OSBPL2: variants seen among roughly 807,000 people sequenced by gnomAD.
OSBPL2 encodes oxysterol-binding protein-related protein 2.
In OSBPL2, 18 loss-of-function variants were observed where a neutral mutation model predicts 58.4. That is an observed-to-expected ratio of 0.31 (90% CI 0.21 to 0.46). The LOEUF is 0.46. Among genes scored for constraint, OSBPL2 ranks in the 20% least tolerant of loss-of-function variants. The pLI is 1.00. For missense variants in OSBPL2, 461 were observed against 616.5 expected, an observed-to-expected ratio of 0.75 and a Z score of 2.67; for synonymous variants, 221 against 234.1, an observed-to-expected ratio of 0.94 and a Z score of 0.51.
At position 62,249,225 on chromosome 20, in the gene OSBPL2, A is replaced by C. The variant is rs76845565; in HGVS notation, c.-128-6832A>C. 4.2e-3 allele frequency among the ~76,000 whole-genome samples: 618 copies of C among 148,270 alleles called. 4 individuals carry two copies. The highest frequency in any genetic ancestry group is 0.01 in the Middle Eastern group (3 of 294). On this transcript the variant is annotated intron_variant, in intron 1 of 13. Coordinates refer to ENST00000313733, the MANE Select transcript of OSBPL2 (RefSeq NM_144498.4). ...CCAAGGAAGTGCCCCCCAACCCCCC[A>C]AAAAAAAAATCTCACTGGAGAAGGA...
chr20:62,245,363 G>T (rs1601145300), intron 1 of OSBPL2, among the ~76,000 whole-genome samples: 1 of 152,214 alleles, frequency 6.6e-6, no homozygotes, highest in African/African-American at 2.4e-5. Flanking sequence ...AAAGTGCTGG[G>T]ATGACAGGCG....
chr20:62,254,214 C>T (rs777206619), intron 1 of OSBPL2, among the ~76,000 whole-genome samples: 1 of 152,222 alleles, frequency 6.6e-6, no homozygotes, highest in Non-Finnish European at 1.5e-5. Context: ...TGTCACATGG[C>T]AGTCAGATCT....
Position 62,281,064 on chromosome 20 carries a change from T to C in OSBPL2, c.681T>C (p.Asn227=). ...GTITLELLKH[N]EAYTWTNPTC... ...TTTTCTGGTGTCTTCACAGACATAA[T>C]GAAGCCTACACCTGGACCAACCCCA... The change falls in exon 8 of 14, where the codon AAT becomes AAC. Residue 227 remains asparagine (N), a synonymous_variant. Transcript: ENST00000313733. 6.2e-7 allele frequency: 1 copy of C among 1,613,168 alleles called. No homozygotes were observed. The highest frequency in any genetic ancestry group is 2.2e-5 in the East Asian group (1 of 44,862).
At chr20:62,281,722 G>A in intron 8 of OSBPL2, 68 bp from the exon 9 acceptor site, 1 of 1,244,340 alleles carries the variant, frequency 8.0e-7, no homozygotes, top group Non-Finnish European at 1.2e-6. Flanking sequence ...CGCTTCTCCT[G>A]TTACAGAGTT....
chr20:62,259,194 C>G (rs1173871254), intron 2 of OSBPL2: 18 of 152,324 alleles, frequency 1.2e-4, no homozygotes, highest in Non-Finnish European at 2.9e-5. Flanking sequence ...ACCCAGCCCC[C>G]ACTCCACCCG....
intron 2 of OSBPL2, among the ~76,000 whole-genome samples, chr20:62,256,855 G>C (rs1037693377): frequency 3.9e-5 from 6 of 152,266 alleles, no homozygotes; most frequent in African/African-American, 1.4e-4. Context: ...GCACAGGGAA[G>C]AGCCTGAAAC....
intron 13 of OSBPL2, 23 bp from the exon 14 acceptor site, chr20:62,293,762 C>A (rs758758212): frequency 1.0e-4 from 165 of 1,608,132 alleles, no homozygotes; most frequent in Admixed American, 1.7e-4. Flanking sequence ...CATCTTCTGA[C>A]CCCCCTCCCT....
intron 2 of OSBPL2, among the ~76,000 whole-genome samples, chr20:62,258,034 C>A (rs571903805): frequency 6.6e-6 from 1 of 152,196 alleles, no homozygotes; most frequent in East Asian, 1.9e-4. Flanking sequence ...CTTTTTGAGT[C>A]AGTTTGCTGT....
intron 9 of OSBPL2, among the ~76,000 whole-genome samples, chr20:62,282,406 C>T (rs967381748): frequency 4.6e-5 from 7 of 152,178 alleles, no homozygotes; most frequent in Non-Finnish European, 5.9e-5. Context: ...TTTTTCTCCC[C>T]ATTTGGGTTA....
At position 62,284,013 on chromosome 20, in the gene OSBPL2, A is replaced by G. The variant is rs773056024; in HGVS notation, c.873-33A>G. 5.6e-6 allele frequency: 9 copies of G among 1,600,006 alleles called. No individual in the cohort carries two copies. The South Asian group carries it at 1.0e-4, about 18-fold the overall frequency. On this transcript the variant is annotated intron_variant, in intron 9 of 13. Transcript: ENST00000313733. ...TTAGACAAATGGTTTGTAATGACTA[A>G]GACTTGTCTTTAAAAATCCCATTTA... is the stretch of plus-strand genomic sequence containing the variant.
chr20:62,263,101 G>C (rs2145937702), intron 3 of OSBPL2, among the ~76,000 whole-genome samples: 1 of 152,338 alleles, frequency 6.6e-6, no homozygotes, highest in Middle Eastern at 3.4e-3. Flanking sequence ...AGGGTCTCCT[G>C]GTGCAAGCAT....
intron 1 of OSBPL2, chr20:62,242,429 G>A (rs946104936): frequency 2.6e-5 from 4 of 152,256 alleles, no homozygotes; most frequent in East Asian, 1.9e-4. Context: ...GAGCTGAGTG[G>A]TGGAAGTGAG....
intron 7 of OSBPL2, chr20:62,280,199 T>A: frequency 1.0e-6 from 1 of 993,606 alleles, no homozygotes; most frequent in Non-Finnish European, 1.4e-6. Context: ...AAATAAGTAA[T>A]AAACGACACC....
intron 1 of OSBPL2, among the ~76,000 whole-genome samples, chr20:62,243,479 G>A (rs1028353373): frequency 3.4e-5 from 5 of 146,714 alleles, no homozygotes; most frequent in Non-Finnish European, 7.6e-5. Context: ...CTGCCCGGCA[G>A]CTCCGCCTCT....
intron 1 of OSBPL2, among the ~76,000 whole-genome samples, chr20:62,241,894 G>A (rs916184192): frequency 6.6e-6 from 1 of 152,168 alleles, no homozygotes; most frequent in Admixed American, 6.5e-5. Flanking sequence ...TTGACATTTC[G>A]TTTAGTGTTT....
Position 62,284,156 on chromosome 20 carries a change from G to A in OSBPL2, c.983G>A (p.Arg328Lys). ...CAGGAGAGGAGAGGTGACCACCTGA[G>A]AAAGGCCAAGCTGGTAAGGGCTGGG... ...KKQERRGDHL[R>K]KAKLDEDSGK... The change falls in exon 10 of 14, where the codon AGA becomes AAA. Residue 328 changes from arginine (R) to lysine (K), a missense_variant. Transcript: ENST00000313733. 1 of 1,614,164 alleles carries A rather than the reference G, an allele frequency of 6.2e-7. No individual in the cohort carries two copies. The highest frequency in any genetic ancestry group is 1.3e-5 in the African/African-American group (1 of 75,044).
chr20:62,242,086 T>A (rs933454210), intron 1 of OSBPL2, among the ~76,000 whole-genome samples: 4 of 152,240 alleles, frequency 2.6e-5, no homozygotes, highest in Non-Finnish European at 5.9e-5. Context: ...TTTCCACATA[T>A]GCTAGTTGAT....
At chr20:62,248,993 G>T (rs1980344009) in intron 1 of OSBPL2, among the ~76,000 whole-genome samples, 1 of 152,186 alleles carries the variant, frequency 6.6e-6, no homozygotes, top group Admixed American at 6.5e-5. Context: ...CCACCGTGCA[G>T]GGCCCACATC....
chr20:62,287,892 C>T (rs1983235209), intron 11 of OSBPL2, among the ~76,000 whole-genome samples: 1 of 152,208 alleles, frequency 6.6e-6, no homozygotes, highest in Non-Finnish European at 1.5e-5. Flanking sequence ...GCCTGCCAGG[C>T]CCTGTGGGCC....
Sources: allele counts gnomAD v4.1 joint callset (sites outside exome capture counted in the v4.1 genomes callset), GRCh38; gene constraint gnomAD v4.1.1; transcripts MANE v1.5; gene names NCBI Gene and HGNC (gene_info 2026-07-23, HGNC 2026-07-21).